TMX2: variants seen among roughly 807,000 people sequenced by gnomAD.
TMX2 encodes the protein thioredoxin related transmembrane protein 2.
In TMX2, 20 loss-of-function variants were observed where a neutral mutation model predicts 33.4. The observed-to-expected ratio is 0.60, with a 90% CI of 0.42 to 0.87. TMX2 has a LOEUF of 0.87. Among genes scored for constraint, TMX2 ranks in the 40% least tolerant of loss-of-function variants. The pLI, the probability that TMX2 is intolerant of heterozygous loss-of-function variation, is 0.00. For missense variants in TMX2, 340 were observed against 370.7 expected, an observed-to-expected ratio of 0.92 and a Z score of 0.68; for synonymous variants, 166 against 140.7, an observed-to-expected ratio of 1.18 and a Z score of -1.27.
intron 1 of TMX2, among the ~76,000 whole-genome samples, chr11:57,727,172 A>T (rs1948060650): frequency 6.6e-6 from 1 of 152,152 alleles, no homozygotes; most frequent in Non-Finnish European, 1.5e-5. Context: ...ATTTTTTTTT[A>T]GACTAAGCCT....
At chr11:57,717,984 G>C (rs1201623808) in intron 1 of TMX2, 11 of 771,184 alleles carry the variant, frequency 1.4e-5, no homozygotes, top group Non-Finnish European at 2.3e-5. Flanking sequence ...GTGCTCTCCT[G>C]AGAGGAGAGC....
intron 1 of TMX2, among the ~76,000 whole-genome samples, chr11:57,722,549 T>C (rs1947705627): frequency 6.6e-6 from 1 of 152,356 alleles, no homozygotes; most frequent in South Asian, 2.1e-4. Flanking sequence ...ATGCCTGTTA[T>C]ATCTGTATCT....
chr11:57,731,308 A>G (rs1353719405), intron 1 of TMX2, among the ~76,000 whole-genome samples: 1 of 149,280 alleles, frequency 6.7e-6, no homozygotes, highest in Non-Finnish European at 1.5e-5. Context: ...TAATTTTTGT[A>G]TTTTTAGTAG....
intron 1 of TMX2, among the ~76,000 whole-genome samples, chr11:57,736,144 T>G (rs1341303505): frequency 6.6e-6 from 1 of 152,180 alleles, no homozygotes; most frequent in Non-Finnish European, 1.5e-5. Flanking sequence ...AGAAGGAGTC[T>G]GTTCAGTCAC....
Position 57,712,843 on chromosome 11 carries a change from A to T in TMX2, c.189+36A>T, listed in dbSNP as rs368212399. The T allele has an allele frequency of 3.7e-4, 604 of 1,611,862 alleles. 3 individuals carry two copies. Among genetic ancestry groups the T allele is most frequent in the Middle Eastern group, 1.5e-3 (9 of 6,072 alleles). On this transcript the variant is annotated intron_variant, in intron 1 of 7. Transcript: ENST00000278422. ...CGCGTGTTAGTACCCCGCGACCTTGACTGTCCCTGCCCTTGCAGGTGTATC... is the reference window on the plus strand; with the variant it reads ...CGCGTGTTAGTACCCCGCGACCTTGTCTGTCCCTGCCCTTGCAGGTGTATC...
At chr11:57,728,805 GA>G (rs1172334365) in intron 1 of TMX2, among the ~76,000 whole-genome samples, 3 of 152,180 alleles carry the variant, frequency 2.0e-5, no homozygotes, top group Non-Finnish European at 4.4e-5. Flanking sequence ...GCCCCTGGGT[GA>G]CTGGGGGCTT....
At chr11:57,734,851 C>G (rs1413809050) in intron 1 of TMX2, among the ~76,000 whole-genome samples, 2 of 151,946 alleles carry the variant, frequency 1.3e-5, no homozygotes, top group African/African-American at 4.8e-5. Flanking sequence ...GAAAATCTTT[C>G]CTGGCAGGGC....
chr11:57,713,151 C>T (rs576859), intron 1 of TMX2, among the ~76,000 whole-genome samples: 1 of 151,940 alleles, frequency 6.6e-6, no homozygotes, highest in Admixed American at 6.5e-5. Flanking sequence ...TTATGTAAAG[C>T]CTCCTGAGGA....
At chr11:57,737,817 C>T in intron 2 of TMX2, 96 bp from the exon 3 acceptor site, 1 of 1,611,326 alleles carries the variant, frequency 6.2e-7, no homozygotes, top group Non-Finnish European at 8.5e-7. Flanking sequence ...CTATCCCCTC[C>T]CTGTCTCCTA....
At chr11:57,724,536 A>G (rs1947848507) in intron 1 of TMX2, among the ~76,000 whole-genome samples, 1 of 151,948 alleles carries the variant, frequency 6.6e-6, no homozygotes, top group African/African-American at 2.4e-5. Context: ...CCTGTCCCTC[A>G]TAGGTCTTAC....
chr11:57,725,833 A>T (rs553263928), intron 1 of TMX2, among the ~76,000 whole-genome samples: 40 of 152,298 alleles, frequency 2.6e-4, no homozygotes, highest in Non-Finnish European at 2.5e-4. Context: ...GTTGCCTTCT[A>T]AACTATTATG....
intron 1 of TMX2, among the ~76,000 whole-genome samples, chr11:57,737,019 A>G (rs1590972727): frequency 6.6e-6 from 1 of 152,234 alleles, no homozygotes; most frequent in African/African-American, 2.4e-5. Flanking sequence ...ACGATTTTAT[A>G]CCATATCATG....
chr11:57,731,830 C>G (rs1333147653), intron 1 of TMX2, among the ~76,000 whole-genome samples: 2 of 152,110 alleles, frequency 1.3e-5, no homozygotes, highest in Non-Finnish European at 2.9e-5. Context: ...TAAAACTCAC[C>G]CACCAGTCTG....
intron 4 of TMX2, 35 bp from the exon 5 acceptor site, chr11:57,738,629 G>T (rs1379565938): frequency 6.4e-7 from 1 of 1,572,726 alleles, no homozygotes; most frequent in Admixed American, 1.7e-5. Context: ...GAGGCTATGT[G>T]GATCCAGCTG....
In TMX2 at chr11:57,737,651, T is replaced by C; in HGVS notation, c.233T>C (p.Met78Thr). The C allele has an allele frequency of 6.2e-7, 1 of 1,614,180 alleles. No homozygotes were observed. The highest frequency in any genetic ancestry group is 8.5e-7 in the Non-Finnish European group (1 of 1,179,994). Residue 78 changes from methionine to threonine, a missense_variant, in exon 2 of 8, where the codon ATG becomes ACG. Around this residue, in one of 3 missense-constraint regions of TMX2, gnomAD observed 25 missense variants for 46.5 expected, o/e 0.54. Coordinates refer to ENST00000278422, the MANE Select transcript of TMX2 (RefSeq NM_015959.4). ...ATGTTTCTCAGTGCCATTGTGATGA[T>C]GAAGAACCGCAGATCCAGTAAGTTT... ...ILMFLSAIVMMKNRRSITVEQ... is the reference protein window; with the variant it reads ...ILMFLSAIVMTKNRRSITVEQ...
rs778869455 is a variant in TMX2 at position 57,712,604 on chromosome 11, G to C, written c.-15G>C. On this transcript the variant is annotated 5_prime_UTR_variant, in exon 1 of 8. Coordinates refer to ENST00000278422, the MANE Select transcript of TMX2 (RefSeq NM_015959.4). ...CCTACGACGCCGGCGAGCAGTGGCC[G>C]TTACGGCCGAAAAGATGGCGGTCTT... The C allele has an allele frequency of 7.5e-6, 12 of 1,598,682 alleles. No homozygotes were observed. The highest frequency in any genetic ancestry group is 1.7e-4 in the Middle Eastern group (1 of 5,858).
chr11:57,728,586 T>C (rs1948152850), intron 1 of TMX2, among the ~76,000 whole-genome samples: 1 of 152,048 alleles, frequency 6.6e-6, no homozygotes, highest in Non-Finnish European at 1.5e-5. Flanking sequence ...TCTGAGCTGG[T>C]TTTTTGCTAG....
Position 57,740,459 on chromosome 11 carries a change from G to A in TMX2, c.*214G>A, listed in dbSNP as rs892200487. ...GTGGCCAACTGTTTCACTGGAGCAAGAAAGAGATCTCATAGGACGGAGGGG... is the reference window on the plus strand; with the variant it reads ...GTGGCCAACTGTTTCACTGGAGCAAAAAAGAGATCTCATAGGACGGAGGGG... On this transcript the variant is annotated 3_prime_UTR_variant, in exon 8 of 8. Coordinates refer to ENST00000278422, the MANE Select transcript of TMX2 (RefSeq NM_015959.4). 3.0e-5 allele frequency: 16 copies of A among 528,904 alleles called. No homozygotes were observed. The highest frequency in any genetic ancestry group is 4.9e-5 in the Non-Finnish European group (15 of 309,188). The allele number at this position is 528,904 out of a possible 1,614,324, so 32.8% of individuals were successfully genotyped here. A position where few individuals can be genotyped will look rare whatever the true frequency, so the allele number is the denominator to read the frequency against.
intron 1 of TMX2, among the ~76,000 whole-genome samples, chr11:57,721,850 G>C (rs1052687878): frequency 6.6e-6 from 1 of 152,070 alleles, no homozygotes; most frequent in Non-Finnish European, 1.5e-5. Context: ...ACCAATACGT[G>C]GGGGGCTGCT....
Sources: gnomAD v4.1 joint callset for allele counts (sites outside exome capture counted in the v4.1 genomes callset) on GRCh38, gnomAD v4.1.1 for gene constraint, gnomAD v4.1.1 regional missense constraint, MANE v1.5 for transcripts, NCBI Gene and HGNC (gene_info 2026-07-23, HGNC 2026-07-21) for gene names.